The following TBX5 variants were observed in gnomAD, a reference collection of about 807,000 sequenced individuals.
TBX5 encodes the protein T-box transcription factor 5.
A neutral mutation model predicts 51.1 loss-of-function variants in TBX5; 8 were observed. That is an observed-to-expected ratio of 0.16 (90% CI 0.09 to 0.28). TBX5 has a LOEUF of 0.28. Ranked by LOEUF, TBX5 falls within the 10% of genes least tolerant of loss-of-function variation. TBX5 has a pLI of 1.00. For synonymous variants in TBX5, 302 were observed against 266.4 expected, an observed-to-expected ratio of 1.13 and a Z score of -1.30; for missense variants, 589 against 671.7, an observed-to-expected ratio of 0.88 and a Z score of 1.36.
intron 4 of TBX5, among the ~76,000 whole-genome samples, chr12:114,399,169 A>T (rs1273134748): frequency 1.3e-5 from 2 of 152,204 alleles, no homozygotes; most frequent in African/African-American, 4.8e-5. Flanking sequence ...AAAGCAGGTA[A>T]CTCATAAAAA....
intron 7 of TBX5, among the ~76,000 whole-genome samples, chr12:114,371,887 C>T (rs891032154): frequency 1.3e-5 from 2 of 152,054 alleles, no homozygotes; most frequent in Non-Finnish European, 2.9e-5. Context: ...GGCTGGATTT[C>T]GCCTAGTGCA....
At position 114,403,791 on chromosome 12, in the gene TBX5, G is replaced by T. The variant is rs1430688195; in HGVS notation, c.108C>A (p.Ser36Arg). The T allele has an allele frequency of 1.2e-6, 2 of 1,614,070 alleles. No homozygotes were observed. Among genetic ancestry groups the T allele is most frequent in the Admixed American group, 1.7e-5 (1 of 60,022 alleles). ...CGGCCTGCGGGGACGACGGGGACTT[G>T]CTGGGGGCCCCGAGCGCGCTCTCGG... The part of the protein sequence containing the change: ...SKPESALGAP[S>R]KSPSSPQAAF... Residue 36 changes from serine to arginine, a missense_variant, in exon 2 of 9, where the codon AGC becomes AGA. Ser to Arg is a moderately radical substitution (Grantham distance 110). Around this residue, in one of 7 missense-constraint regions of TBX5, gnomAD observed 101 missense variants for 83.3 expected, o/e 1.21. Coordinates refer to ENST00000405440, the MANE Select transcript of TBX5 (RefSeq NM_181486.4).
intron 3 of TBX5, among the ~76,000 whole-genome samples, chr12:114,401,408 A>G (rs1871803924): frequency 6.6e-6 from 1 of 152,194 alleles, no homozygotes; most frequent in Admixed American, 6.5e-5. Context: ...TGGAGTAAAG[A>G]TAAAGTCCAA....
chr12:114,385,559 T>A lies in TBX5; in HGVS notation c.672A>T (p.Gln224His). 1 of 1,614,102 alleles carries A rather than the reference T, an allele frequency of 6.2e-7. No individual in the cohort carries two copies. Among genetic ancestry groups the A allele is most frequent in the South Asian group, 1.1e-5 (1 of 91,084 alleles). ...VTSYQNHKIT[Q>H]LKIENNPFAK... is the part of the protein sequence containing the mutation. ...CAAAGGGATTATTCTCAATCTTTAA[T>A]TGCGTGATCTGAAGGAAAGAGGAAG... Residue 224 changes from glutamine (Q) to histidine (H), a missense_variant, in exon 7 of 9, where the codon CAA (glutamine) becomes CAT (histidine). By Grantham distance (24) the Gln-to-His change is conservative. Around this residue, in one of 7 missense-constraint regions of TBX5, gnomAD observed 5 missense variants for 31.9 expected, o/e 0.16. Transcript: ENST00000405440.
At position 114,403,822 on chromosome 12, in the gene TBX5, G is replaced by A. The variant is rs1085307848; in HGVS notation, c.77C>T (p.Ser26Leu). Residue 26 changes from serine (S) to leucine (L), a missense_variant, in exon 2 of 9, where the codon TCG becomes TTG. Coordinates refer to ENST00000405440, the MANE Select transcript of TBX5 (RefSeq NM_181486.4). ...GGCCCCGAGCGCGCTCTCGGGTTTC[G>A]AATCGCAGGGCAGGTCTTTTGCGTC... ...EPDAKDLPCD[S>L]KPESALGAPS... is the part of the protein sequence containing the mutation. 6.8e-6 allele frequency: 11 copies of A among 1,613,972 alleles called. No homozygotes were observed. In the East Asian group the frequency reaches 2.5e-4, roughly 36 times the overall value.
intron 7 of TBX5, among the ~76,000 whole-genome samples, chr12:114,374,037 G>A (rs1178586662): frequency 6.6e-6 from 1 of 152,226 alleles, no homozygotes; most frequent in Non-Finnish European, 1.5e-5. Context: ...TTGTTCTGGG[G>A]AAAATCATGT....
intron 6 of TBX5, among the ~76,000 whole-genome samples, chr12:114,392,969 C>G (rs76367880): frequency 0.036 from 5,497 of 152,266 alleles, 297 homozygotes; most frequent in African/African-American, 0.12. Context: ...GGGCAGGAAG[C>G]TCTCTCTCGA....
intron 7 of TBX5, among the ~76,000 whole-genome samples, chr12:114,383,569 A>C (rs1306399651): frequency 6.6e-6 from 1 of 152,178 alleles, no homozygotes; most frequent in Non-Finnish European, 1.5e-5. Flanking sequence ...TGTTTTACAA[A>C]GATCTCTTTG....
chr12:114,395,821 C>A (rs1436184391), intron 5 of TBX5, among the ~76,000 whole-genome samples: 1 of 152,096 alleles, frequency 6.6e-6, no homozygotes, highest in Non-Finnish European at 1.5e-5. Context: ...CCACCATTAT[C>A]ATTAGGAAGA....
Position 114,394,729 on chromosome 12 carries a change from C to A in TBX5, c.663+12G>T, listed in dbSNP as rs756029601. The A allele has an allele frequency of 6.2e-7, 1 of 1,614,026 alleles. No homozygotes were observed. Among genetic ancestry groups the A allele is most frequent in the South Asian group, 1.1e-5 (1 of 91,060 alleles). ...ACGGCCCCAGGCACTGGTTCCTGGG[C>A]TTCAGGCTTACCTTGTGGTTCTGGT... is the stretch of plus-strand genomic sequence containing the variant. On this transcript the variant is annotated intron_variant, in intron 6 of 8. Coordinates refer to ENST00000405440, the MANE Select transcript of TBX5 (RefSeq NM_181486.4).
At position 114,355,365 on chromosome 12, in the gene TBX5, TA is replaced by T. The variant is rs1213036018; in HGVS notation, c.*166del. ...CATTTTTAAAATTGTGGTTTCAAGC[TA>T]CTGATTAGATCAGCATCCAGCGACC... On this transcript the variant is annotated 3_prime_UTR_variant, in exon 9 of 9. Transcript: ENST00000405440. The T allele has an allele frequency of 2.3e-6, 2 of 853,874 alleles. No individual in the cohort carries two copies. Among genetic ancestry groups the T allele is most frequent in the African/African-American group, 3.3e-5 (2 of 59,908 alleles). 52.9% of individuals were successfully genotyped at this position (853,874 alleles called of 1,614,324 possible). A position where few individuals can be genotyped will look rare whatever the true frequency, so the allele number is the denominator to read the frequency against.
At chr12:114,376,169 A>C (rs1255723756) in intron 7 of TBX5, among the ~76,000 whole-genome samples, 1 of 152,106 alleles carries the variant, frequency 6.6e-6, no homozygotes, top group African/African-American at 2.4e-5. Flanking sequence ...AGATATCTAC[A>C]CTCCCATGAT....
rs767238220 is a variant in TBX5, at chr12:114,394,801, G to A, written c.603C>T (p.Phe201=). ...NNGFGSKNTA[F]CTHVFPETAF... ...CAGTCTCAGGAAAGACGTGAGTGCA[G>A]AACGCTGTATTTTTTGAGCCAAATC... is the stretch of plus-strand genomic sequence containing the variant. Residue 201 remains phenylalanine, a synonymous_variant, in exon 6 of 9, where the codon TTC becomes TTT. Coordinates refer to ENST00000405440, the MANE Select transcript of TBX5 (RefSeq NM_181486.4). The A allele has an allele frequency of 6.2e-7, 1 of 1,614,170 alleles. No homozygotes were observed.
At position 114,355,869 on chromosome 12, in the gene TBX5, T is replaced by C; in HGVS notation, c.1220A>G (p.Tyr407Cys). ...SCNTWPSMPS[Y>C]SSCTVTTVQP... ...CACGGTGGTGACGGTGCAGCTGCTG[T>C]AGGAAGGCATGCTTGGCCACGTGTT... The change falls in exon 9 of 9, where the codon TAC (tyrosine) becomes TGC (cysteine). Residue 407 changes from tyrosine to cysteine, a missense_variant. By Grantham distance (194) the Tyr-to-Cys change is radical. Coordinates refer to ENST00000405440, the MANE Select transcript of TBX5 (RefSeq NM_181486.4). The C allele has an allele frequency of 1.2e-6, 2 of 1,613,728 alleles. No individual in the cohort carries two copies.
At chr12:114,370,406 G>A (rs1284820108) in intron 7 of TBX5, among the ~76,000 whole-genome samples, 1 of 152,170 alleles carries the variant, frequency 6.6e-6, no homozygotes, top group Non-Finnish European at 1.5e-5. Flanking sequence ...AGACCACACA[G>A]CTAAGAGGCA....
rs1173252538 is a variant in TBX5, at chr12:114,372,971, TATATATACATAC to T, written c.756-6592_756-6581del. On this transcript the variant is annotated intron_variant, in intron 7 of 8. Transcript: ENST00000405440. ...ATGATGCATGGAAAGGCTTAGCGAA[TATATATACATAC>T]ACACACACACACACACACACACACA... 9.2e-4 allele frequency among the ~76,000 whole-genome samples: 107 copies of T among 116,038 alleles called. No homozygotes were observed. In the East Asian group the frequency reaches 0.035, roughly 38 times the overall value. The allele number at this position is 116,038 out of a possible 152,430, so 76.1% of individuals were successfully genotyped here.
chr12:114,406,048 C>T lies in TBX5; in HGVS notation c.-459G>A, dbSNP rs1565944283. The stretch of plus-strand genomic sequence containing the variant: ...TCCCGGATTCGAGGTAAGAGTCAGT[C>T]TCTCTCACTCTCTCTCCCTCTCTCT... On this transcript the variant is annotated 5_prime_UTR_variant, in exon 1 of 9. Transcript: ENST00000405440. The T allele has an allele frequency of 1.4e-5, 14 of 982,808 alleles. No homozygotes were observed. The highest frequency in any genetic ancestry group is 1.6e-5 in the Non-Finnish European group (13 of 828,260). The allele number at this position is 982,808 out of a possible 1,614,324, so 60.9% of individuals were successfully genotyped here.
chr12:114,360,771 T>C (rs1593841664), intron 8 of TBX5, among the ~76,000 whole-genome samples: 1 of 151,782 alleles, frequency 6.6e-6, no homozygotes, highest in Non-Finnish European at 1.5e-5. Flanking sequence ...GGTGGGTGGG[T>C]GGATGAGTGG....
In TBX5 at chr12:114,367,402, A is replaced by G. The variant is rs558215614; in HGVS notation, c.756-1011T>C. Among the ~76,000 whole-genome samples, 7 of 152,296 alleles carry G rather than the reference A, an allele frequency of 4.6e-5. No individual in the cohort carries two copies. The South Asian group carries it at 1.2e-3, about 27-fold the overall frequency. ...CAGGGCTCACACAGGCAAAGTAAGC[A>G]TAATAAAAATTCCATGACATCATAG... On this transcript the variant is annotated intron_variant, in intron 7 of 8. Transcript: ENST00000405440.
Sources: allele counts gnomAD v4.1 joint callset (sites outside exome capture counted in the v4.1 genomes callset), GRCh38; gene constraint gnomAD v4.1.1; regional missense constraint gnomAD v4.1.1; transcripts MANE v1.5; gene names NCBI Gene and HGNC (gene_info 2026-07-23, HGNC 2026-07-21).